Variants in GPR137B observed in about 807,000 individuals in gnomAD.
GPR137B encodes integral membrane protein GPR137B.
In GPR137B, 42 loss-of-function variants were observed where a neutral mutation model predicts 42.5. The ratio of observed to expected loss-of-function variants is 0.99; its 90% CI spans 0.77 to 1.28. The LOEUF is 1.28. Among genes scored for constraint, GPR137B ranks in the 50% most tolerant of loss-of-function variants. The probability of loss-of-function intolerance (pLI) is 0.00; values close to 1 mark genes in which losing one functional copy is unlikely to be tolerated. For synonymous variants in GPR137B, 218 were observed against 209.7 expected (o/e 1.04, Z -0.34); for missense variants, 487 against 493.9 (o/e 0.99, Z 0.13).
At chr1:236,201,553 T>G (rs1663494827) in intron 5 of GPR137B, among the ~76,000 whole-genome samples, 1 of 152,044 alleles carries the variant, frequency 6.6e-6, no homozygotes, top group Non-Finnish European at 1.5e-5. Flanking sequence ...TTGATTCTAT[T>G]GTTGAAACTT....
At chr1:236,191,255 G>T (rs964480164) in intron 5 of GPR137B, among the ~76,000 whole-genome samples, 20 of 152,102 alleles carry the variant, frequency 1.3e-4, no homozygotes, top group South Asian at 6.2e-4. Flanking sequence ...CTTTTTTCAA[G>T]GTTCTTAGCT....
rs1239920373 is a variant in GPR137B at position 236,208,144 on chromosome 1, C to A, written c.1186C>A (p.Pro396Thr). Residue 396 changes from proline to threonine, a missense_variant, in exon 7 of 7, where the codon CCA becomes ACA. Physicochemically the swap from Pro to Thr is conservative, Grantham distance 38. Coordinates refer to ENST00000366592, the MANE Select transcript of GPR137B (RefSeq NM_003272.4). Reference sequence around the variant, plus strand: ...AGACTCAACTTTGGATCCTGACAAACCAAGCCTTGGGTAGCATCAGTTAAC... The same window carrying A: ...AGACTCAACTTTGGATCCTGACAAAACAAGCCTTGGGTAGCATCAGTTAAC... ...LQDSTLDPDK[P>T]SLG 2.5e-6 allele frequency: 4 copies of A among 1,613,876 alleles called. No homozygotes were observed. The East Asian group carries it at 6.7e-5, about 27-fold the overall frequency.
At chr1:236,145,414 A>G (rs113627499) in intron 1 of GPR137B, among the ~76,000 whole-genome samples, 3,806 of 152,302 alleles carry the variant, frequency 0.025, 151 homozygotes, top group African/African-American at 0.086. Flanking sequence ...TTAAGAAAGC[A>G]TACTTTCGAT....
At chr1:236,170,800 AC>A (rs1271829495) in intron 2 of GPR137B, among the ~76,000 whole-genome samples, 1 of 151,720 alleles carries the variant, frequency 6.6e-6, no homozygotes, top group Non-Finnish European at 1.5e-5. Flanking sequence ...ACATGGTGAA[AC>A]CCCGTTTCTA....
At chr1:236,183,542 C>T (rs1220132852) in intron 4 of GPR137B, among the ~76,000 whole-genome samples, 3 of 152,118 alleles carry the variant, frequency 2.0e-5, no homozygotes, top group Non-Finnish European at 4.4e-5. Context: ...TATCTGAGGT[C>T]TAGACCATTA....
chr1:236,178,815 T>TTTTTTTTTTTTTTTTTG (rs1571988922), intron 3 of GPR137B, among the ~76,000 whole-genome samples, 179 bp downstream of exon 3: 1 of 126,408 alleles, frequency 7.9e-6, no homozygotes, highest in Non-Finnish European at 1.6e-5. Context: ...TTTTTTTTTT[T>TTTTTTTTTTTTTTTTTG]GAGACGGAGT....
At chr1:236,196,966 C>A (rs1235180531) in intron 5 of GPR137B, among the ~76,000 whole-genome samples, 1 of 152,192 alleles carries the variant, frequency 6.6e-6, no homozygotes, top group African/African-American at 2.4e-5. Context: ...TCCTTTACCT[C>A]TGGGTAGATA....
intron 5 of GPR137B, among the ~76,000 whole-genome samples, chr1:236,192,270 G>C (rs1019499737): frequency 2.6e-5 from 4 of 152,140 alleles, no homozygotes; most frequent in Non-Finnish European, 5.9e-5. Context: ...CTCCGTTGGG[G>C]TGGGACCTAC....
At chr1:236,187,569 A>G (rs928713535) in intron 5 of GPR137B, among the ~76,000 whole-genome samples, 2 of 152,190 alleles carry the variant, frequency 1.3e-5, no homozygotes, top group Admixed American at 1.3e-4. Context: ...TTTTCCCAAC[A>G]CCATTTATTA....
chr1:236,178,370 T>C (rs757592272), intron 2 of GPR137B, 44 bp from the exon 3 acceptor site: 26 of 1,150,500 alleles, frequency 2.3e-5, no homozygotes, highest in Non-Finnish European at 3.3e-5. Context: ...CCTTCTAGAC[T>C]GACCTGGGAT....
chr1:236,202,825 G>C (rs1264154284), intron 5 of GPR137B, among the ~76,000 whole-genome samples: 1 of 152,182 alleles, frequency 6.6e-6, no homozygotes, highest in Non-Finnish European at 1.5e-5. Flanking sequence ...TTTTCTTGTA[G>C]TAGTTTCACA....
At chr1:236,186,476 CT>C (rs1267380898) in intron 5 of GPR137B, among the ~76,000 whole-genome samples, 1 of 147,422 alleles carries the variant, frequency 6.8e-6, no homozygotes, top group African/African-American at 2.5e-5. Context: ...TCCTAATGCT[CT>C]CCCTCCCCTA....
At position 236,179,861 on chromosome 1, in the gene GPR137B, C is replaced by T. The variant is rs1662814166; in HGVS notation, c.688-18C>T. 5.1e-6 allele frequency: 8 copies of T among 1,558,426 alleles called. No individual in the cohort carries two copies. Among genetic ancestry groups the T allele is most frequent in the Non-Finnish European group, 6.9e-6 (8 of 1,152,928 alleles). Reference sequence around the variant, plus strand: ...TTGGACCTGGAGTGTCCCATACCTTCTGCTCCCTCTTTTCCAGGGCTCCTC... The same window carrying T: ...TTGGACCTGGAGTGTCCCATACCTTTTGCTCCCTCTTTTCCAGGGCTCCTC... On this transcript the variant is annotated intron_variant, in intron 3 of 6. Coordinates refer to ENST00000366592, the MANE Select transcript of GPR137B (RefSeq NM_003272.4).
At chr1:236,173,490 ATGCTTTACCCC>A (rs1415169761) in intron 2 of GPR137B, among the ~76,000 whole-genome samples, 1 of 152,024 alleles carries the variant, frequency 6.6e-6, no homozygotes, top group Admixed American at 6.6e-5. Flanking sequence ...AATTTAAACA[ATGCTTTACCCC>A]TTGCTTCTGT....
chr1:236,205,847 A>G (rs902917274), intron 6 of GPR137B, among the ~76,000 whole-genome samples: 1 of 152,206 alleles, frequency 6.6e-6, no homozygotes, highest in Non-Finnish European at 1.5e-5. Context: ...GCCAGAAAAA[A>G]AACTTTTTAG....
At chr1:236,151,709 A>G (rs1661871887) in intron 1 of GPR137B, among the ~76,000 whole-genome samples, 1 of 152,164 alleles carries the variant, frequency 6.6e-6, no homozygotes, top group South Asian at 2.1e-4. Context: ...GGCGTGAGCC[A>G]CTGCGCCCGG....
Position 236,178,546 on chromosome 1 carries a change from C to T in GPR137B, c.597C>T (p.Asp199=). The part of the protein sequence containing the change: ...VIVSVRVAIN[D]TLFVLCAVSL... ...TCTCTGTGCGAGTGGCCATTAATGA[C>T]ACGCTCTTCGTGCTGTGTGCCGTCT... The change falls in exon 3 of 7, where the codon GAC becomes GAT. Residue 199 remains aspartate, a synonymous_variant. Coordinates refer to ENST00000366592, the MANE Select transcript of GPR137B (RefSeq NM_003272.4). 1.2e-6 allele frequency: 2 copies of T among 1,613,314 alleles called. No homozygotes were observed. The highest frequency in any genetic ancestry group is 1.7e-5 in the Admixed American group (1 of 60,004).
At chr1:236,204,897 C>CA (rs1663609402) in intron 5 of GPR137B, among the ~76,000 whole-genome samples, 5 of 152,258 alleles carry the variant, frequency 3.3e-5, no homozygotes, top group Admixed American at 2.6e-4. Flanking sequence ...AATGATGACT[C>CA]ACTGTTGCAA....
In GPR137B at chr1:236,155,322, C is replaced by G. The variant is rs553797052; in HGVS notation, c.414+12286C>G. 3.3e-5 allele frequency among the ~76,000 whole-genome samples: 5 copies of G among 152,326 alleles called. No homozygotes were observed. In the South Asian group the frequency reaches 1.0e-3, roughly 32 times the overall value. On this transcript the variant is annotated intron_variant, in intron 1 of 6. Coordinates refer to ENST00000366592, the MANE Select transcript of GPR137B (RefSeq NM_003272.4). This position sits in a 1 kb window ranked among gnomAD's most constrained non-coding sequence, Gnocchi z 4.6. ...AGCTTAATGAATATTTGTCCTAATG[C>G]TTTCACCTCGCAGATAGACACTGAG...
Sources: gnomAD v4.1 joint callset for allele counts (sites outside exome capture counted in the v4.1 genomes callset) on GRCh38, gnomAD v4.1.1 for gene constraint, Gnocchi (gnomAD v3.1) non-coding constraint, MANE v1.5 for transcripts, NCBI Gene and HGNC (gene_info 2026-07-23, HGNC 2026-07-21) for gene names.